The following DRC11 variants were observed in gnomAD, a reference collection of about 807,000 sequenced individuals.
DRC11 encodes IQ and AAA domain-containing protein 1.
the DRC11 span, among the ~76,000 whole-genome samples, chr2:236,489,246 G>C: frequency 2.2e-5 from 3 of 139,110 alleles, no homozygotes; most frequent in East Asian, 2.2e-4. Flanking sequence ...CCGGGTGCAG[G>C]TGAGGCCTGT....
the DRC11 span, among the ~76,000 whole-genome samples, chr2:236,495,210 G>A: frequency 2.6e-5 from 4 of 152,130 alleles, 1 homozygote; most frequent in East Asian, 7.7e-4. The surrounding 1 kb of genome is among the most constrained non-coding windows in gnomAD (Gnocchi z 5.6). Context: ...GGGTGTGGTG[G>A]CATGCACCTG....
At chr2:236,365,165 G>A in the DRC11 span, among the ~76,000 whole-genome samples, 1 of 152,052 alleles carries the variant, frequency 6.6e-6, no homozygotes, top group African/African-American at 2.4e-5. The surrounding 1 kb of genome is among the most constrained non-coding windows in gnomAD (Gnocchi z 7.4). Flanking sequence ...CTGTGGCGGG[G>A]AGTGACACAA....
the DRC11 span, among the ~76,000 whole-genome samples, chr2:236,320,933 C>T: frequency 2.0e-5 from 3 of 150,716 alleles, no homozygotes; most frequent in East Asian, 4.0e-4. Flanking sequence ...TAGGGCATGG[C>T]GGCCTCACCT....
chr2:236,319,115 C>A, the DRC11 span, among the ~76,000 whole-genome samples: 1 of 152,194 alleles, frequency 6.6e-6, no homozygotes. This position sits in a 1 kb window ranked among gnomAD's most constrained non-coding sequence, Gnocchi z 6.7. Flanking sequence ...TCTGCCATGC[C>A]CCTCCTCCTT....
the DRC11 span, among the ~76,000 whole-genome samples, chr2:236,382,723 C>T: frequency 6.6e-6 from 1 of 152,044 alleles, no homozygotes; most frequent in South Asian, 2.1e-4. Context: ...TCCATTTTAA[C>T]TTTGGTGTCT....
the DRC11 span, among the ~76,000 whole-genome samples, chr2:236,311,697 C>CGTGTGTGTGTGTGT: frequency 5.8e-5 from 8 of 138,798 alleles, no homozygotes; most frequent in Non-Finnish European, 1.1e-4. The surrounding 1 kb of genome is among the most constrained non-coding windows in gnomAD (Gnocchi z 6.9). Context: ...GGATGGGGTG[C>CGTGTGTGTGTGTGT]GTGTGTGTGT....
the DRC11 span, chr2:236,486,859 C>T: frequency 1.9e-5 from 30 of 1,610,920 alleles, no homozygotes; most frequent in Non-Finnish European, 2.5e-5. This position sits in a 1 kb window ranked among gnomAD's most constrained non-coding sequence, Gnocchi z 5.7. Flanking sequence ...CCTCTTCTCT[C>T]AGTTTTTCAG....
the DRC11 span, among the ~76,000 whole-genome samples, chr2:236,500,290 T>C: frequency 6.6e-6 from 1 of 152,280 alleles, no homozygotes; most frequent in Non-Finnish European, 1.5e-5. This position sits in a 1 kb window ranked among gnomAD's most constrained non-coding sequence, Gnocchi z 6.3. Flanking sequence ...GTCACAGAGT[T>C]TGAATGCAGG....
chr2:236,377,121 T>C, the DRC11 span: 1 of 1,609,332 alleles, frequency 6.2e-7, no homozygotes, highest in Non-Finnish European at 8.5e-7. This position sits in a 1 kb window ranked among gnomAD's most constrained non-coding sequence, Gnocchi z 4.9. Flanking sequence ...TCAGAGAGGT[T>C]GACTTTCAGA....
the DRC11 span, among the ~76,000 whole-genome samples, chr2:236,425,262 T>A: frequency 1.3e-5 from 2 of 152,070 alleles, no homozygotes; most frequent in South Asian, 4.1e-4. Flanking sequence ...GCTGTGTTAA[T>A]TTACATTCCC....
the DRC11 span, among the ~76,000 whole-genome samples, chr2:236,316,919 C>G: frequency 1.4e-4 from 21 of 152,188 alleles, no homozygotes; most frequent in African/African-American, 4.8e-4. This position sits in a 1 kb window ranked among gnomAD's most constrained non-coding sequence, Gnocchi z 6.8. Flanking sequence ...ATACAAACAG[C>G]AGTGTGTGCA....
chr2:236,507,082 C>T, the DRC11 span, among the ~76,000 whole-genome samples: 1 of 151,888 alleles, frequency 6.6e-6, no homozygotes, highest in Non-Finnish European at 1.5e-5. Context: ...GAAGCAGATA[C>T]TCTATCCCGA....
the DRC11 span, among the ~76,000 whole-genome samples, chr2:236,376,038 G>A: frequency 1.3e-5 from 2 of 152,188 alleles, no homozygotes; most frequent in East Asian, 1.9e-4. The surrounding 1 kb of genome is among the most constrained non-coding windows in gnomAD (Gnocchi z 5.7). Flanking sequence ...TTACAGTGGA[G>A]AAATCCCGGG....
chr2:236,408,327 G>A, the DRC11 span: 3 of 774,738 alleles, frequency 3.9e-6, no homozygotes, highest in South Asian at 1.3e-5. This position sits in a 1 kb window ranked among gnomAD's most constrained non-coding sequence, Gnocchi z 5.5. Flanking sequence ...AGGCCACCTT[G>A]CGCAAGCCTC....
chr2:236,496,346 A>G, the DRC11 span, among the ~76,000 whole-genome samples: 1 of 152,236 alleles, frequency 6.6e-6, no homozygotes, highest in Admixed American at 6.5e-5. This position sits in a 1 kb window ranked among gnomAD's most constrained non-coding sequence, Gnocchi z 6.3. Context: ...TTCAAGGAGA[A>G]GAAACGTGAA....
the DRC11 span, among the ~76,000 whole-genome samples, chr2:236,454,478 T>C: frequency 1.3e-5 from 2 of 152,202 alleles, no homozygotes; most frequent in African/African-American, 4.8e-5. This position sits in a 1 kb window ranked among gnomAD's most constrained non-coding sequence, Gnocchi z 5.3. Context: ...CTACACATGG[T>C]TCACATCTCC....
the DRC11 span, chr2:236,507,258 CG>C: frequency 3.1e-6 from 5 of 1,614,000 alleles, no homozygotes; most frequent in East Asian, 8.9e-5. Context: ...ATCACTTACG[CG>C]TTCGACATTG....
At chr2:236,440,491 TA>T in the DRC11 span, among the ~76,000 whole-genome samples, 2 of 152,150 alleles carry the variant, frequency 1.3e-5, no homozygotes, top group East Asian at 1.9e-4. Context: ...ATGAAGACAT[TA>T]AAAAAATAGT....
the DRC11 span, chr2:236,399,638 G>A: frequency 3.0e-6 from 2 of 670,904 alleles, no homozygotes; most frequent in African/African-American, 1.8e-5. The surrounding 1 kb of genome is among the most constrained non-coding windows in gnomAD (Gnocchi z 7.0). Flanking sequence ...TAAGTATGGA[G>A]TGCTGTGTCC....
Sources: allele counts gnomAD v4.1 joint callset (sites outside exome capture counted in the v4.1 genomes callset), GRCh38; gene constraint gnomAD v4.1.1; non-coding constraint Gnocchi (gnomAD v3.1); transcripts MANE v1.5; gene names NCBI Gene and HGNC (gene_info 2026-07-23, HGNC 2026-07-21).